The following SETX variants were observed in gnomAD, a reference collection of about 807,000 sequenced individuals.
SETX encodes senataxin.
SETX carries 90 observed loss-of-function variants against 227.2 expected under a neutral mutation model. The ratio of observed to expected loss-of-function variants is 0.40; its 90% CI spans 0.33 to 0.47. SETX has a LOEUF of 0.47. SETX is among the 20% of genes least tolerant of loss of function. The pLI is 0.91. For missense variants in SETX, 3,052 were observed against 3,181.5 expected (o/e 0.96, Z 0.98); for synonymous variants, 1,210 against 1,113.2 (o/e 1.09, Z -1.73).
At chr9:132,321,654 C>CAAAA (rs57108934) in intron 10 of SETX, among the ~76,000 whole-genome samples, 1 of 51,416 alleles carries the variant, frequency 1.9e-5, no homozygotes, top group Non-Finnish European at 3.2e-5. Flanking sequence ...GATACTGTCT[C>CAAAA]AAAAAAAAAA....
intron 11 of SETX, among the ~76,000 whole-genome samples, chr9:132,310,886 TATG>T (rs1845612568): frequency 1.3e-5 from 2 of 152,338 alleles, no homozygotes; most frequent in Admixed American, 1.3e-4. Context: ...TTCTCTTCCT[TATG>T]ATTTTAGTTT....
chr9:132,322,252 AT>A (rs1846409744), intron 10 of SETX, among the ~76,000 whole-genome samples: 1 of 152,118 alleles, frequency 6.6e-6, no homozygotes, highest in South Asian at 2.1e-4. Context: ...AAAACTCACC[AT>A]TTTAAAGTGT....
At chr9:132,277,190 G>A (rs149078687) in intron 21 of SETX, 38 bp from the exon 22 acceptor site, 31,370 of 1,581,214 alleles carry the variant, frequency 0.02, 377 homozygotes, top group Middle Eastern at 0.023. Context: ...TCAGAATAAA[G>A]TCAAGATTTA....
intron 16 of SETX, 69 bp from the exon 17 acceptor site, chr9:132,288,420 A>T: frequency 7.0e-7 from 1 of 1,427,050 alleles, no homozygotes; most frequent in Non-Finnish European, 9.8e-7. Flanking sequence ...CATATACAAC[A>T]CAATGAGAAG....
At chr9:132,302,641 C>A (rs1589682430) in intron 11 of SETX, among the ~76,000 whole-genome samples, 1 of 89,700 alleles carries the variant, frequency 1.1e-5, no homozygotes. Context: ...GCCTGGGCAA[C>A]AAGAGTGAGA....
chr9:132,355,991 A>G (rs189355169), upstream of SETX, among the ~76,000 whole-genome samples: 9 of 128,584 alleles, frequency 7.0e-5, no homozygotes, highest in East Asian at 7.2e-4. Context: ...TCTCTCCGGA[A>G]AAAAAAAAAA....
intron 11 of SETX, among the ~76,000 whole-genome samples, chr9:132,309,726 G>A (rs953078308): frequency 2.0e-5 from 3 of 151,918 alleles, no homozygotes. Flanking sequence ...GTACCCTAGG[G>A]CAATACAAAA....
At chr9:132,326,140 T>C (rs1387322152) in intron 10 of SETX, among the ~76,000 whole-genome samples, 184 bp downstream of exon 10, 1 of 151,764 alleles carries the variant, frequency 6.6e-6, no homozygotes, top group Non-Finnish European at 1.5e-5. Context: ...CGACCTCGGC[T>C]CACTGCAACC....
chr9:132,300,915 A>T lies in SETX; in HGVS notation c.5375-112T>A, dbSNP rs142346105. 1,158 of 894,866 alleles carry T rather than the reference A, an allele frequency of 1.3e-3. 31 individuals are homozygous for T. The East Asian group carries it at 0.031, about 24-fold the overall frequency. 55.4% of individuals were successfully genotyped at this position (894,866 alleles called of 1,614,324 possible). A position where few individuals can be genotyped will look rare whatever the true frequency, so the allele number is the denominator to read the frequency against. ...ATTAAGTTCAAAAATACACAGCACT[A>T]AAGGACTCTGCATATACTTTAAAAT... On this transcript the variant is annotated intron_variant, in intron 11 of 25. Transcript: ENST00000224140.
At chr9:132,315,731 T>C (rs1468946216) in intron 10 of SETX, among the ~76,000 whole-genome samples, 1 of 152,186 alleles carries the variant, frequency 6.6e-6, no homozygotes, top group Admixed American at 6.5e-5. Context: ...ATGACCTCCT[T>C]GCTGTTATTC....
At chr9:132,337,436 T>TTA (rs563480809) in intron 5 of SETX, among the ~76,000 whole-genome samples, 6 of 149,024 alleles carry the variant, frequency 4.0e-5, no homozygotes, top group Admixed American at 4.0e-4. Flanking sequence ...CAACCAACCT[T>TTA]AAAAAAAAAA....
intron 14 of SETX, 71 bp from the exon 15 acceptor site, chr9:132,296,099 A>C: frequency 6.4e-7 from 1 of 1,570,158 alleles, no homozygotes; most frequent in East Asian, 2.2e-5. Flanking sequence ...ACATAGCTTT[A>C]AAGTTTGTCT....
chr9:132,285,868 G>T (rs1250042186), intron 18 of SETX, among the ~76,000 whole-genome samples: 2 of 129,706 alleles, frequency 1.5e-5, no homozygotes, highest in African/African-American at 6.0e-5. Context: ...AACAGAGTGA[G>T]ACTCTGTCTC....
Position 132,329,062 on chromosome 9 carries a change from T to G in SETX, c.2536A>C (p.Ser846Arg), listed in dbSNP as rs774820992. The G allele has an allele frequency of 1.2e-6, 2 of 1,609,880 alleles. No individual in the cohort carries two copies. Among genetic ancestry groups the G allele is most frequent in the Non-Finnish European group, 1.7e-6 (2 of 1,179,050 alleles). ...CCATTCTTATCATCCAGAACACCACTAGGGTCTAAAGAAAGATTGTGTATG... is the reference window on the plus strand; with the variant it reads ...CCATTCTTATCATCCAGAACACCACGAGGGTCTAAAGAAAGATTGTGTATG... ...GFIHNLSLDP[S>R]GVLDDKNGEQ... Residue 846 changes from serine to arginine, a missense_variant, in exon 10 of 26, where the codon AGT becomes CGT. Transcript: ENST00000224140.
At chr9:132,348,029 A>G (rs1848386456) in intron 3 of SETX, among the ~76,000 whole-genome samples, 1 of 151,812 alleles carries the variant, frequency 6.6e-6, no homozygotes, top group Non-Finnish European at 1.5e-5. Flanking sequence ...TGCCCATTAA[A>G]AAAAGAAAAA....
chr9:132,296,814 A>T, intron 14 of SETX, 73 bp downstream of exon 14: 1 of 1,325,182 alleles, frequency 7.5e-7, no homozygotes, highest in Non-Finnish European at 1.1e-6. Context: ...ATACTTATTT[A>T]CATGTCAGTT....
chr9:132,328,539 T>A lies in SETX; in HGVS notation c.3059A>T (p.Asp1020Val). Reference sequence around the variant, plus strand: ...CAGGATTCTTTCATCATCATCATCATCAGAATCTGAAATAATAATAACCTG... The same window carrying A: ...CAGGATTCTTTCATCATCATCATCAACAGAATCTGAAATAATAATAACCTG... ...RGQVIIISDS[D>V]DDDDERILSL... is the part of the protein sequence containing the mutation. The change falls in exon 10 of 26, where the codon GAT (aspartate) becomes GTT (valine). Residue 1020 changes from aspartate to valine, a missense_variant. Coordinates refer to ENST00000224140, the MANE Select transcript of SETX (RefSeq NM_015046.7). The A allele has an allele frequency of 5.0e-6, 8 of 1,614,050 alleles. No homozygotes were observed. The highest frequency in any genetic ancestry group is 6.8e-6 in the Non-Finnish European group (8 of 1,180,014).
intron 5 of SETX, among the ~76,000 whole-genome samples, chr9:132,337,737 T>C (rs188923615): frequency 5.4e-4 from 82 of 152,252 alleles, no homozygotes; most frequent in African/African-American, 1.9e-3. Flanking sequence ...AAGTGGTAAA[T>C]AGTAAACATG....
chr9:132,291,013 C>T (rs998952795), intron 15 of SETX, among the ~76,000 whole-genome samples: 1 of 151,916 alleles, frequency 6.6e-6, no homozygotes, highest in South Asian at 2.1e-4. Flanking sequence ...TTGATCACCA[C>T]CTAGAAGAGT....
Sources: allele counts gnomAD v4.1 joint callset (sites outside exome capture counted in the v4.1 genomes callset), GRCh38; gene constraint gnomAD v4.1.1; transcripts MANE v1.5; gene names NCBI Gene and HGNC (gene_info 2026-07-23, HGNC 2026-07-21).